The following GRIK1 variants were observed in gnomAD, a reference collection of about 807,000 sequenced individuals.
GRIK1 encodes the protein glutamate ionotropic receptor kainate type subunit 1.
In GRIK1, 69 loss-of-function variants were observed where a neutral mutation model predicts 105.7. The ratio of observed to expected loss-of-function variants is 0.65; its 90% CI spans 0.54 to 0.80. The LOEUF (loss-of-function observed/expected upper bound fraction) is 0.80, where lower values mean the gene tolerates loss of function less well. GRIK1 is among the 30% of genes least tolerant of loss of function. The probability of loss-of-function intolerance (pLI) is 0.00; values close to 1 mark genes in which losing one functional copy is unlikely to be tolerated. For synonymous variants in GRIK1, 438 were observed against 431.3 expected (o/e 1.02, Z -0.19); for missense variants, 1,109 against 1,167.3 (o/e 0.95, Z 0.73).
intron 1 of GRIK1, among the ~76,000 whole-genome samples, chr21:29,862,749 G>T (rs557326991): frequency 3.9e-5 from 6 of 152,316 alleles, no homozygotes; most frequent in Admixed American, 2.6e-4. Context: ...TAAGTCATAT[G>T]CTTTTAATGA....
intron 1 of GRIK1, among the ~76,000 whole-genome samples, chr21:29,796,280 G>T (rs963872156): frequency 2.2e-4 from 33 of 152,164 alleles, no homozygotes; most frequent in African/African-American, 7.5e-4. Context: ...AAGGCTGAGT[G>T]TGGTTCTTGG....
chr21:29,683,288 C>A (rs1264562608), intron 3 of GRIK1, among the ~76,000 whole-genome samples: 1 of 152,124 alleles, frequency 6.6e-6, no homozygotes, highest in African/African-American at 2.4e-5. Flanking sequence ...GGTATATATC[C>A]AAAAGAAAAT....
chr21:29,657,949 A>G (rs1317872295), intron 4 of GRIK1: 1 of 152,202 alleles, frequency 6.6e-6, no homozygotes, highest in African/African-American at 2.4e-5. Context: ...CGATATAGGG[A>G]GTTTTCTAAT....
intron 14 of GRIK1, among the ~76,000 whole-genome samples, chr21:29,571,532 C>G (rs1176355497): frequency 6.6e-6 from 1 of 152,052 alleles, no homozygotes; most frequent in Non-Finnish European, 1.5e-5. Flanking sequence ...CAAGAATAGC[C>G]AAGTCTAGGA....
intron 1 of GRIK1, among the ~76,000 whole-genome samples, chr21:29,737,137 C>T (rs2064812981): frequency 6.6e-6 from 1 of 152,136 alleles, no homozygotes; most frequent in Admixed American, 6.6e-5. Context: ...CCAAAGACAG[C>T]TTGATGTTTC....
At position 29,655,711 on chromosome 21, in the gene GRIK1, T is replaced by C. The variant is rs528606630; in HGVS notation, c.727-848A>G. On this transcript the variant is annotated intron_variant, in intron 4 of 17. Transcript: ENST00000327783. ...TGAGAAGGGGAAGAGAGGATTCATT[T>C]ACAGATAAAAGGATAGGGACTATTC... is the stretch of plus-strand genomic sequence containing the variant. Among the ~76,000 whole-genome samples the C allele has an allele frequency of 3.2e-4, 48 of 152,292 alleles. 2 individuals are homozygous for C. In the South Asian group the frequency reaches 8.9e-3, roughly 28 times the overall value.
Position 29,753,515 on chromosome 21 carries a change from T to C in GRIK1, c.119-59452A>G, listed in dbSNP as rs576977817. Reference sequence around the variant, plus strand: ...GCCAGTGTAGCAAAGCCCTCTGGCATAGATGGGCTTCATATTACTGTTAGC... The same window carrying C: ...GCCAGTGTAGCAAAGCCCTCTGGCACAGATGGGCTTCATATTACTGTTAGC... On this transcript the variant is annotated intron_variant, in intron 1 of 17. Transcript: ENST00000327783. Among the ~76,000 whole-genome samples the C allele has an allele frequency of 2.6e-5, 4 of 152,312 alleles. No individual in the cohort carries two copies. The East Asian group carries it at 7.7e-4, about 29-fold the overall frequency.
intron 2 of GRIK1, among the ~76,000 whole-genome samples, chr21:29,692,316 A>T (rs9977760): frequency 0.27 from 41,031 of 151,926 alleles, 8,922 homozygotes; most frequent in African/African-American, 0.59. Flanking sequence ...TAGGAGTGTT[A>T]GTGTCTGTTT....
chr21:29,601,546 A>G lies in GRIK1; in HGVS notation c.1099-2609T>C, dbSNP rs368415975. Among the ~76,000 whole-genome samples the G allele has an allele frequency of 5.9e-5, 9 of 152,322 alleles. No homozygotes were observed. In the East Asian group the frequency reaches 9.6e-4, roughly 16 times the overall value. ...CTCCCCTATGCACAGCCCCAGCTGG[A>G]ACAGGCCTGGGCTCTCCAGCCTCTG... On this transcript the variant is annotated intron_variant, in intron 7 of 17. Coordinates refer to ENST00000327783, the MANE Select transcript of GRIK1 (RefSeq NM_001330994.2).
At chr21:29,708,897 A>G (rs937802255) in intron 1 of GRIK1, among the ~76,000 whole-genome samples, 1 of 152,238 alleles carries the variant, frequency 6.6e-6, no homozygotes, top group African/African-American at 2.4e-5. Context: ...CTCTGCCCAC[A>G]TAATTGATAA....
chr21:29,643,108 A>C, intron 6 of GRIK1, 139 bp from the exon 7 acceptor site: 1 of 702,600 alleles, frequency 1.4e-6, no homozygotes, highest in South Asian at 2.0e-5. Context: ...GGTAGTTTTC[A>C]CTCTCCAATA....
chr21:29,860,597 G>T (rs1004031005), intron 1 of GRIK1, among the ~76,000 whole-genome samples: 3 of 152,208 alleles, frequency 2.0e-5, no homozygotes, highest in African/African-American at 7.2e-5. Flanking sequence ...GTGACCTTTG[G>T]ATTGCAATTA....
intron 4 of GRIK1, among the ~76,000 whole-genome samples, chr21:29,662,129 A>G (rs906383339): frequency 6.6e-6 from 1 of 152,214 alleles, no homozygotes; most frequent in Non-Finnish European, 1.5e-5. Context: ...GGTCTGCAGG[A>G]GAAAGGAAGC....
At chr21:29,883,846 T>C (rs1299092937) in intron 1 of GRIK1, among the ~76,000 whole-genome samples, 1 of 152,012 alleles carries the variant, frequency 6.6e-6, no homozygotes, top group Non-Finnish European at 1.5e-5. Context: ...TATTCTGCAG[T>C]GAATACCAGT....
chr21:29,834,485 C>A (rs1426280310), intron 1 of GRIK1, among the ~76,000 whole-genome samples: 1 of 151,222 alleles, frequency 6.6e-6, no homozygotes, highest in Non-Finnish European at 1.5e-5. Context: ...CTTCACCCCC[C>A]ACTTTGTTCT....
chr21:29,776,628 G>A (rs2065950806), intron 1 of GRIK1, among the ~76,000 whole-genome samples: 2 of 152,158 alleles, frequency 1.3e-5, no homozygotes, highest in African/African-American at 4.8e-5. Context: ...GTGACAAGGA[G>A]GATGATATTT....
chr21:29,627,418 G>C (rs1317406156), intron 7 of GRIK1, among the ~76,000 whole-genome samples: 1 of 152,186 alleles, frequency 6.6e-6, no homozygotes, highest in African/African-American at 2.4e-5. Context: ...AGGGAATCAG[G>C]ATCTGCTTTC....
intron 14 of GRIK1, among the ~76,000 whole-genome samples, chr21:29,565,455 G>A (rs958092067): frequency 4.6e-5 from 7 of 152,140 alleles, no homozygotes; most frequent in South Asian, 2.1e-4. Context: ...TTTTTGAGAC[G>A]TTGTTTCACT....
chr21:29,770,104 C>T (rs971853170), intron 1 of GRIK1, among the ~76,000 whole-genome samples: 1 of 152,172 alleles, frequency 6.6e-6, no homozygotes, highest in African/African-American at 2.4e-5. Context: ...TCTTCTCTAT[C>T]AGTAACTGCA....
Sources: allele counts gnomAD v4.1 joint callset (sites outside exome capture counted in the v4.1 genomes callset), GRCh38; gene constraint gnomAD v4.1.1; transcripts MANE v1.5; gene names NCBI Gene and HGNC (gene_info 2026-07-23, HGNC 2026-07-21).